Variants in CTDP1 observed in about 807,000 individuals in gnomAD.
The protein encoded by CTDP1 is CTD phosphatase 1.
CTDP1 carries 47 observed loss-of-function variants against 91.8 expected under a neutral mutation model. The observed-to-expected ratio is 0.51, with a 90% CI of 0.41 to 0.65. The LOEUF (loss-of-function observed/expected upper bound fraction) is 0.65. CTDP1 is among the 30% of genes least tolerant of loss of function. The probability of loss-of-function intolerance (pLI) is 0.00; values close to 1 mark genes in which losing one functional copy is unlikely to be tolerated. For missense variants in CTDP1, 1,272 were observed against 1,373.7 expected (o/e 0.93, Z 1.17); for synonymous variants, 656 against 598.5 (o/e 1.10, Z -1.40).
intron 7 of CTDP1, among the ~76,000 whole-genome samples, 170 bp from the exon 8 acceptor site, chr18:79,714,321 C>T (rs1481360375): frequency 6.6e-6 from 1 of 152,214 alleles, no homozygotes; most frequent in Non-Finnish European, 1.5e-5. Context: ...CCACGCACTT[C>T]AGGTAAGGGG....
chr18:79,735,289 ATCCC>A (rs1383492985), intron 11 of CTDP1, among the ~76,000 whole-genome samples: 7 of 152,034 alleles, frequency 4.6e-5, no homozygotes, highest in Non-Finnish European at 1.0e-4. Context: ...GCACCCCCAG[ATCCC>A]TCCTGGGAAA....
intron 1 of CTDP1, among the ~76,000 whole-genome samples, chr18:79,683,479 G>T (rs1342680019): frequency 6.6e-6 from 1 of 152,142 alleles, no homozygotes; most frequent in Non-Finnish European, 1.5e-5. Context: ...TCTGCTCCTG[G>T]GCTTGTGCTG....
intron 10 of CTDP1, among the ~76,000 whole-genome samples, chr18:79,720,486 G>A (rs534126700): frequency 6.6e-6 from 1 of 151,096 alleles, no homozygotes; most frequent in East Asian, 2.0e-4. Flanking sequence ...GCGTCCTCGT[G>A]ATGATGTCAC....
chr18:79,723,814 G>C (rs906875309), intron 10 of CTDP1, among the ~76,000 whole-genome samples: 1 of 152,112 alleles, frequency 6.6e-6, no homozygotes, highest in Non-Finnish European at 1.5e-5. Context: ...TCCACCTGCT[G>C]TCCCTCCCTG....
At chr18:79,736,617 C>A in intron 12 of CTDP1, 96 bp downstream of exon 12, 1 of 1,245,274 alleles carries the variant, frequency 8.0e-7, no homozygotes, top group Non-Finnish European at 1.1e-6. Context: ...ATTCTTCACG[C>A]CCTCCACCAT....
chr18:79,677,234 T>G (rs1443848565), upstream of CTDP1: 1 of 152,304 alleles, frequency 6.6e-6, no homozygotes, highest in Non-Finnish European at 1.5e-5. Flanking sequence ...GGCCCCGACA[T>G]CACCCTGGGC....
At chr18:79,715,882 C>T (rs887043664) in intron 8 of CTDP1, among the ~76,000 whole-genome samples, 12 of 152,156 alleles carry the variant, frequency 7.9e-5, no homozygotes, top group African/African-American at 2.7e-4. Flanking sequence ...AAAAGATTGA[C>T]AAACCCTCTG....
Position 79,695,960 on chromosome 18 carries a change from T to C in CTDP1, c.399-17T>C. The C allele has an allele frequency of 6.2e-7, 1 of 1,608,864 alleles. No individual in the cohort carries two copies. Among genetic ancestry groups the C allele is most frequent in the Non-Finnish European group, 8.5e-7 (1 of 1,177,604 alleles). The stretch of plus-strand genomic sequence containing the variant: ...GAGACTCAGCTGAAAGCCCTGAACC[T>C]GTCCTTGCACTTGCAGGTTGCAGAG... On this transcript the variant is annotated splice_polypyrimidine_tract_variant and intron_variant, in intron 2 of 12. Transcript: ENST00000613122.
At chr18:79,738,804 C>T (rs988936532) in intron 12 of CTDP1, among the ~76,000 whole-genome samples, 14 of 152,220 alleles carry the variant, frequency 9.2e-5, no homozygotes, top group Non-Finnish European at 1.8e-4. Flanking sequence ...TCTCTCCTGG[C>T]AACCCACTCT....
At chr18:79,731,036 T>G (rs1419728541) in intron 11 of CTDP1, among the ~76,000 whole-genome samples, 1 of 152,202 alleles carries the variant, frequency 6.6e-6, no homozygotes, top group East Asian at 1.9e-4. Flanking sequence ...TCACCCCAGA[T>G]AAGCCTGTCT....
intron 8 of CTDP1, among the ~76,000 whole-genome samples, chr18:79,716,301 C>G (rs888604867): frequency 2.6e-5 from 4 of 152,214 alleles, no homozygotes; most frequent in Non-Finnish European, 5.9e-5. Context: ...CATCCCTGTC[C>G]ACGCACGCTC....
chr18:79,679,899 G>A lies in CTDP1; in HGVS notation c.-49G>A, dbSNP rs541456406. ...GTCGCCGCGGTAGGCGCTGCGCTCTGAGCGCAGCGCAGGCCCCGTACCGAC... is the reference window on the plus strand; with the variant it reads ...GTCGCCGCGGTAGGCGCTGCGCTCTAAGCGCAGCGCAGGCCCCGTACCGAC... On this transcript the variant is annotated 5_prime_UTR_variant, in exon 1 of 13. Transcript: ENST00000613122. The A allele has an allele frequency of 1.5e-6, 2 of 1,343,014 alleles. No individual in the cohort carries two copies. The highest frequency in any genetic ancestry group is 1.6e-5 in the South Asian group (1 of 64,338). The allele number at this position is 1,343,014 out of a possible 1,614,324, so 83.2% of individuals were successfully genotyped here.
chr18:79,677,061 G>A (rs543772602), upstream of CTDP1, among the ~76,000 whole-genome samples: 23 of 152,282 alleles, frequency 1.5e-4, no homozygotes, highest in Non-Finnish European at 2.2e-4. Flanking sequence ...CATAACACAC[G>A]GTTCTTCCCA....
intron 7 of CTDP1, among the ~76,000 whole-genome samples, chr18:79,714,039 C>T (rs929308628): frequency 6.0e-5 from 9 of 148,844 alleles, no homozygotes; most frequent in African/African-American, 2.2e-4. Flanking sequence ...GGCGCCAGGT[C>T]GTCAGGGGCT....
intron 1 of CTDP1, 76 bp downstream of exon 1, chr18:79,680,337 C>T (rs551929556): frequency 1.9e-5 from 22 of 1,170,818 alleles, no homozygotes; most frequent in African/African-American, 4.8e-5. Flanking sequence ...CGGGCTGCTG[C>T]GTCCGCGGTG....
intron 12 of CTDP1, among the ~76,000 whole-genome samples, chr18:79,742,143 AGGTGG>A (rs1489225388): frequency 3.9e-5 from 4 of 103,582 alleles, no homozygotes; most frequent in Non-Finnish European, 6.6e-5. Context: ...AGGAGGCATG[AGGTGG>A]AGGCCTGGGG....
At chr18:79,755,473 C>T (rs568992439), downstream of CTDP1, 9 of 152,360 alleles carry the variant, frequency 5.9e-5, no homozygotes, top group East Asian at 3.9e-4. Context: ...CAAGTTGATA[C>T]CCAAAGAAAG....
intron 5 of CTDP1, among the ~76,000 whole-genome samples, chr18:79,709,218 A>T (rs1337658307): frequency 1.3e-5 from 2 of 152,228 alleles, no homozygotes; most frequent in Non-Finnish European, 2.9e-5. Context: ...ACTTCTACAA[A>T]CTGAAATATG....
intron 11 of CTDP1, among the ~76,000 whole-genome samples, chr18:79,729,322 T>C (rs2086517306): frequency 6.6e-6 from 1 of 152,208 alleles, no homozygotes; most frequent in African/African-American, 2.4e-5. Context: ...GGCTTAGGAT[T>C]CGTGCCTGCG....
Sources: gnomAD v4.1 joint callset for allele counts (sites outside exome capture counted in the v4.1 genomes callset) on GRCh38, gnomAD v4.1.1 for gene constraint, MANE v1.5 for transcripts, NCBI Gene and HGNC (gene_info 2026-07-23, HGNC 2026-07-21) for gene names.